Variants in TRPM2 observed in about 807,000 individuals in gnomAD.
TRPM2 encodes estrogen-responsive element-associated gene 1 protein.
Under a neutral mutation model 174.0 loss-of-function variants are expected in TRPM2, and 161 were observed. The observed-to-expected ratio is 0.93, with a 90% confidence interval of 0.81 to 1.05. The LOEUF is 1.05. Ranked by LOEUF, TRPM2 falls within the 50% of genes least tolerant of loss-of-function variation. The pLI, the probability that TRPM2 is intolerant of heterozygous loss-of-function variation, is 0.00. For missense variants in TRPM2, 2,057 were observed against 2,038.0 expected, an observed-to-expected ratio of 1.01 and a Z score of -0.18; for synonymous variants, 954 against 861.3, an observed-to-expected ratio of 1.11 and a Z score of -1.88.
rs199751319 is a variant in TRPM2 at position 44,435,813 on chromosome 21, A to T, written c.4061+596A>T. On this transcript the variant is annotated intron_variant, in intron 28 of 31. Transcript: ENST00000397928. ...CTCACCCCTCAGACTCACTCTCCACACCCATCCACGGGGACACAGCCCCAC... is the reference window on the plus strand; with the variant it reads ...CTCACCCCTCAGACTCACTCTCCACTCCCATCCACGGGGACACAGCCCCAC... 2.2e-3 allele frequency among the ~76,000 whole-genome samples: 114 copies of T among 51,496 alleles called. 6 individuals carry two copies. Among genetic ancestry groups the T allele is most frequent in the Middle Eastern group, 0.037 (2 of 54 alleles). 33.8% of individuals were successfully genotyped at this position (51,496 alleles called of 152,430 possible).
chr21:44,395,464 G>C lies in TRPM2; in HGVS notation c.1845G>C (p.Val615=), dbSNP rs1291346062. 4 of 1,612,918 alleles carry C rather than the reference G, an allele frequency of 2.5e-6. No homozygotes were observed. In the African/African-American group the frequency reaches 5.3e-5, roughly 22 times the overall value. The change falls in exon 12 of 32, where the codon GTG becomes GTC. Residue 615 remains valine (V), a synonymous_variant. Transcript: ENST00000397928. ...RSLYKRSSGH[V]TFTMDPIRDL... is the part of the protein sequence containing the mutation. ...TCTACAAGCGTTCCTCAGGCCATGT[G>C]ACCTTCACCATGGACCCCATCCGTG...
intron 27 of TRPM2, among the ~76,000 whole-genome samples, chr21:44,428,633 G>T (rs956905614): frequency 1.4e-5 from 2 of 146,368 alleles, no homozygotes; most frequent in Non-Finnish European, 3.0e-5. Context: ...CTCCCCTGAG[G>T]TGTGGCTCCT....
chr21:44,409,094 C>T (rs1054436021), intron 19 of TRPM2, among the ~76,000 whole-genome samples: 2 of 152,104 alleles, frequency 1.3e-5, no homozygotes, highest in Non-Finnish European at 2.9e-5. Context: ...TCAATCTGTG[C>T]ACTGACTTGT....
At position 44,430,579 on chromosome 21, in the gene TRPM2, G is replaced by A. The variant is rs1384091420; in HGVS notation, c.3974+3468G>A. Among the ~76,000 whole-genome samples, 4 of 50,752 alleles carry A rather than the reference G, an allele frequency of 7.9e-5. 1 individual carries two copies. The highest frequency in any genetic ancestry group is 2.5e-4 in the African/African-American group (3 of 12,242). 33.3% of individuals were successfully genotyped at this position (50,752 alleles called of 152,430 possible). ...CGAGTAGCTGGGACTACAGGCGCCC[G>A]CCACCGCGCCCGGCTAATTTTTTGT... On this transcript the variant is annotated intron_variant, in intron 27 of 31. Transcript: ENST00000397928.
intron 25 of TRPM2, among the ~76,000 whole-genome samples, 187 bp from the exon 26 acceptor site, chr21:44,426,473 C>T (rs147955171): frequency 3.9e-5 from 6 of 152,142 alleles, no homozygotes; most frequent in African/African-American, 9.6e-5. Flanking sequence ...CTGATCCCAG[C>T]CCCCGGCCCT....
Position 44,366,974 on chromosome 21 carries a change from G to A in TRPM2, c.604+40G>A. Reference sequence around the variant, plus strand: ...GGAGGGACACGAGGCCCCGGCGGGTGGGGTGGGCTGTGGAGGCAGTGCTGG... The same window carrying A: ...GGAGGGACACGAGGCCCCGGCGGGTAGGGTGGGCTGTGGAGGCAGTGCTGG... On this transcript the variant is annotated intron_variant, in intron 4 of 31. Coordinates refer to ENST00000397928, the MANE Select transcript of TRPM2 (RefSeq NM_003307.4). The surrounding 1 kb of genome is among the most constrained non-coding windows in gnomAD (Gnocchi z 6.0). 6.5e-7 allele frequency: 1 copy of A among 1,539,180 alleles called. No individual in the cohort carries two copies. The highest frequency in any genetic ancestry group is 8.8e-7 in the Non-Finnish European group (1 of 1,140,684).
chr21:44,441,862 C>G lies in TRPM2; in HGVS notation c.*45C>G, dbSNP rs762192768. 1.9e-6 allele frequency: 3 copies of G among 1,546,476 alleles called. No homozygotes were observed. The African/African-American group carries it at 4.1e-5, about 21-fold the overall frequency. Reference sequence around the variant, plus strand: ...GGCTCCAGTCCATAGACGTTCCCCCCAGAAACCAGGGCTTCTCTCTCCTGA... The same window carrying G: ...GGCTCCAGTCCATAGACGTTCCCCCGAGAAACCAGGGCTTCTCTCTCCTGA... On this transcript the variant is annotated 3_prime_UTR_variant, in exon 32 of 32. Transcript: ENST00000397928.
intron 8 of TRPM2, among the ~76,000 whole-genome samples, chr21:44,380,336 G>A (rs992844334): frequency 2.6e-5 from 4 of 152,330 alleles, no homozygotes; most frequent in Admixed American, 6.5e-5. Context: ...ATCGTGGTCC[G>A]GCTGTGAGCG....
chr21:44,414,828 G>C (rs1470361578), intron 20 of TRPM2: 2 of 152,144 alleles, frequency 1.3e-5, no homozygotes, highest in Admixed American at 6.6e-5. Context: ...GTGGAAACTC[G>C]GGCTGTGCAG....
Position 44,391,673 on chromosome 21 carries a change from C to G in TRPM2, c.1794+48C>G. ...ATCCTGGACTCGTCTTCGCGGGCTA[C>G]TGCTATGTTCTTAGAGCTCTCTGTT... On this transcript the variant is annotated intron_variant, in intron 11 of 31. Transcript: ENST00000397928. The surrounding 1 kb of genome is among the most constrained non-coding windows in gnomAD (Gnocchi z 5.0). The G allele has an allele frequency of 6.9e-7, 1 of 1,449,456 alleles. No individual in the cohort carries two copies. The allele number at this position is 1,449,456 out of a possible 1,614,324, so 89.8% of individuals were successfully genotyped here.
At chr21:44,378,953 G>A (rs753638513) in intron 7 of TRPM2, 44 bp from the exon 8 acceptor site, 18 of 1,581,878 alleles carry the variant, frequency 1.1e-5, no homozygotes, top group East Asian at 4.5e-5. Context: ...GCATCGGAGC[G>A]GTGAGGACCC....
rs1281009369 is a variant in TRPM2 at position 44,391,291 on chromosome 21, CG to C, written c.1461del (p.Met488Ter). The C allele has an allele frequency of 1.9e-6, 3 of 1,613,680 alleles. No homozygotes were observed. The East Asian group carries it at 6.7e-5, about 36-fold the overall frequency. On this transcript the variant is annotated frameshift_variant, in exon 11 of 32. Transcript: ENST00000397928. LOFTEE classifies it high-confidence loss of function. This position sits in a 1 kb window ranked among gnomAD's most constrained non-coding sequence, Gnocchi z 5.0. ...TCTCAGCCTTCAGATCTGCACCCCA[CG>C]ATGACAGCTGCACTCATCTCCAACA... ...WQWKPSDLHP[T>X]MTAALISNKP...
chr21:44,408,498 A>G (rs2049980568), intron 19 of TRPM2, among the ~76,000 whole-genome samples: 2 of 151,798 alleles, frequency 1.3e-5, no homozygotes, highest in Non-Finnish European at 2.9e-5. Flanking sequence ...TGTCCATTAA[A>G]AAAACAAAGC....
At chr21:44,360,378 C>T (rs1441070520) in intron 2 of TRPM2, among the ~76,000 whole-genome samples, 6 of 152,062 alleles carry the variant, frequency 3.9e-5, no homozygotes, top group Admixed American at 6.5e-5. Flanking sequence ...AGCCCCATGT[C>T]GTCTGCTTGG....
chr21:44,423,831 T>C, intron 23 of TRPM2, 99 bp downstream of exon 23: 1 of 985,570 alleles, frequency 1.0e-6, no homozygotes, highest in Non-Finnish European at 1.5e-6. Flanking sequence ...CTCTGAGGAG[T>C]GATGGTGAGG....
At chr21:44,406,544 T>G in intron 18 of TRPM2, 50 bp from the exon 19 acceptor site, 25 of 1,559,074 alleles carry the variant, frequency 1.6e-5, no homozygotes, top group Non-Finnish European at 1.9e-5. Flanking sequence ...CTGGGCCCAG[T>G]GAGCATCGGG....
rs974525369 is a variant in TRPM2, at chr21:44,366,283, AG to A, written c.424-467del. Among the ~76,000 whole-genome samples the A allele has an allele frequency of 2.9e-4, 39 of 133,252 alleles. No individual in the cohort carries two copies. The highest frequency in any genetic ancestry group is 2.4e-4 in the Non-Finnish European group (15 of 63,546). The allele number at this position is 133,252 out of a possible 152,430, so 87.4% of individuals were successfully genotyped here. On this transcript the variant is annotated intron_variant, in intron 3 of 31. Coordinates refer to ENST00000397928, the MANE Select transcript of TRPM2 (RefSeq NM_003307.4). This position sits in a 1 kb window ranked among gnomAD's most constrained non-coding sequence, Gnocchi z 6.0. ...GAGGGGACAGGAGAGGGGACAGGAGAGGGGACAGGAGAGGGGACAGGAGAGG... is the reference window on the plus strand; with the variant it reads ...GAGGGGACAGGAGAGGGGACAGGAGAGGGACAGGAGAGGGGACAGGAGAGG...
intron 9 of TRPM2, among the ~76,000 whole-genome samples, chr21:44,386,150 C>A (rs533614284): frequency 6.6e-6 from 1 of 152,130 alleles, no homozygotes; most frequent in African/African-American, 2.4e-5. Context: ...CTTTGGGAGG[C>A]GGAGGTGGGC....
chr21:44,434,238 CTG>C (rs1418997506), intron 27 of TRPM2, among the ~76,000 whole-genome samples: 1 of 151,888 alleles, frequency 6.6e-6, no homozygotes, highest in Admixed American at 6.6e-5. Flanking sequence ...GTGGTGGGGA[CTG>C]TGGTGGGGAC....
Sources: gnomAD v4.1 joint callset for allele counts (sites outside exome capture counted in the v4.1 genomes callset) on GRCh38, gnomAD v4.1.1 for gene constraint, Gnocchi (gnomAD v3.1) non-coding constraint, MANE v1.5 for transcripts, NCBI Gene and HGNC (gene_info 2026-07-23, HGNC 2026-07-21) for gene names.